Variants in CEBPZOS observed in about 807,000 individuals in gnomAD.
CEBPZOS encodes CEBPZ opposite strand.
In CEBPZOS, 10 loss-of-function variants were observed where a neutral mutation model predicts 4.8. That is an observed-to-expected ratio of 2.07 (90% CI 1.28 to 3.52). The LOEUF (loss-of-function observed/expected upper bound fraction) is 3.52, where lower values mean the gene tolerates loss of function less well. Among genes scored for constraint, CEBPZOS ranks in the 30% most tolerant of loss-of-function variants. CEBPZOS has a pLI of 0.00. For synonymous variants in CEBPZOS, 25 were observed against 14.2 expected (o/e 1.77, Z -1.72); for missense variants, 98 against 43.6 (o/e 2.25, Z -3.51).
At position 37,202,986 on chromosome 2, in the gene CEBPZOS, GTTTCT is replaced by G; in HGVS notation, c.*1135_*1139del. The stretch of plus-strand genomic sequence containing the variant: ...ATACAAATAGGCTGGAATCATTTAA[GTTTCT>G]TTTCTTTTTTCTTGGCCCTAAAAAA... On this transcript the variant is annotated 3_prime_UTR_variant, in exon 5 of 5. Coordinates refer to ENST00000402297, the MANE Select transcript of CEBPZOS (RefSeq NM_001322374.2). The G allele has an allele frequency of 6.4e-7, 1 of 1,551,282 alleles. No homozygotes were observed. Among genetic ancestry groups the G allele is most frequent in the Non-Finnish European group, 8.7e-7 (1 of 1,152,506 alleles).
In CEBPZOS at chr2:37,197,464, A is replaced by G. The variant is rs549624888; in HGVS notation, c.-2+944A>G. ...TTTTCTTTTCTTTTAACCCTGGCCT[A>G]CAGATGGACTTTATTTCTTAGCACC... On this transcript the variant is annotated intron_variant, in intron 1 of 4. Coordinates refer to ENST00000402297, the MANE Select transcript of CEBPZOS (RefSeq NM_001322374.2). 2.6e-5 allele frequency: 4 copies of G among 152,398 alleles called. No homozygotes were observed. The South Asian group carries it at 8.3e-4, about 32-fold the overall frequency. The allele number at this position is 152,398 out of a possible 1,614,324, so 9.4% of individuals were successfully genotyped here.
Position 37,202,080 on chromosome 2 carries a change from A to T in CEBPZOS, c.*220A>T, listed in dbSNP as rs1470101073. The T allele has an allele frequency of 2.3e-6, 1 of 427,540 alleles. No individual in the cohort carries two copies. The highest frequency in any genetic ancestry group is 3.5e-5 in the East Asian group (1 of 28,764). The allele number at this position is 427,540 out of a possible 1,614,324, so 26.5% of individuals were successfully genotyped here. ...TCTTCTCATATTTATTGTCAAAGAT[A>T]AATGTTTCAAAAAGAAATGACTAAG... On this transcript the variant is annotated 3_prime_UTR_variant, in exon 5 of 5. Transcript: ENST00000402297.
rs1167221809 is a variant in CEBPZOS, at chr2:37,199,737, G to C, written c.33G>C (p.Lys11Asn). Residue 11 changes from lysine to asparagine, a missense_variant, in exon 2 of 5, where the codon AAG becomes AAC. Coordinates refer to ENST00000402297, the MANE Select transcript of CEBPZOS (RefSeq NM_001322374.2). MARTLEPLAK[K>N]IFKGVLVAEL... ...GTACTTTGGAACCACTAGCAAAGAA[G>C]ATCTTTAAAGGAGTTTTGGTAGCCG... is the stretch of plus-strand genomic sequence containing the variant. 2 of 717,342 alleles carry C rather than the reference G, an allele frequency of 2.8e-6. No homozygotes were observed. Among genetic ancestry groups the C allele is most frequent in the Admixed American group, 4.0e-5 (2 of 50,004 alleles). 44.4% of individuals were successfully genotyped at this position (717,342 alleles called of 1,614,324 possible).
At position 37,202,461 on chromosome 2, in the gene CEBPZOS, A is replaced by G. The variant is rs1677300612; in HGVS notation, c.*601A>G. 5.3e-6 allele frequency: 1 copy of G among 188,084 alleles called. No individual in the cohort carries two copies. Among genetic ancestry groups the G allele is most frequent in the Admixed American group, 6.0e-5 (1 of 16,562 alleles). The allele number at this position is 188,084 out of a possible 1,614,324, so 11.7% of individuals were successfully genotyped here. On this transcript the variant is annotated 3_prime_UTR_variant, in exon 5 of 5. Transcript: ENST00000402297. ...GGAGTTCGAGACCAGCCTGGCCAACATGGTGAAACCCTGTTTCTACTAAAA... is the reference window on the plus strand; with the variant it reads ...GGAGTTCGAGACCAGCCTGGCCAACGTGGTGAAACCCTGTTTCTACTAAAA...
At chr2:37,206,844 C>CT (rs1677555404), downstream of CEBPZOS, among the ~76,000 whole-genome samples, 4 of 152,140 alleles carry the variant, frequency 2.6e-5, no homozygotes, top group South Asian at 8.3e-4. Flanking sequence ...TGTAAATGGC[C>CT]TAAATGCTCC....
At chr2:37,210,969 T>C in intron 4 of CEBPZOS, 1 of 1,523,230 alleles carries the variant, frequency 6.6e-7, no homozygotes, top group African/African-American at 1.4e-5. Flanking sequence ...TGGACACTGC[T>C]TTTAAAAGAT....
rs766302236 is a variant in CEBPZOS, at chr2:37,203,007, C to T, written c.*1147C>T. 1.3e-5 allele frequency: 20 copies of T among 1,535,756 alleles called. No individual in the cohort carries two copies. In the African/African-American group the frequency reaches 1.4e-4, roughly 11 times the overall value. ...TTAAGTTTCTTTTCTTTTTTCTTGG[C>T]CCTAAAAAAAATTGTAAGTCTACAT... On this transcript the variant is annotated 3_prime_UTR_variant, in exon 5 of 5. Transcript: ENST00000402297.
downstream of CEBPZOS, chr2:37,215,004 T>G: frequency 8.7e-7 from 1 of 1,150,962 alleles, no homozygotes; most frequent in Non-Finnish European, 1.3e-6. Flanking sequence ...CCCCTTTATG[T>G]TACTCAAGCT....
At chr2:37,196,868 G>A (rs1376974673) in intron 1 of CEBPZOS, among the ~76,000 whole-genome samples, 1 of 152,206 alleles carries the variant, frequency 6.6e-6, no homozygotes, top group Non-Finnish European at 1.5e-5. Flanking sequence ...CGGGGGAGCG[G>A]AGGCGGCCAG....
intron 2 of CEBPZOS, among the ~76,000 whole-genome samples, chr2:37,200,167 G>A (rs984750753): frequency 3.3e-5 from 5 of 152,178 alleles, no homozygotes; most frequent in African/African-American, 7.2e-5. Context: ...GACTAAGAAA[G>A]TAACTGGTAT....
rs1677264100 is a variant in CEBPZOS at position 37,201,920 on chromosome 2, AAAGAT to A, written c.*61_*65del. On this transcript the variant is annotated 3_prime_UTR_variant, in exon 5 of 5. Transcript: ENST00000402297. ...GTTTGAGACCTTTGAGAGAAGAAGA[AAAGAT>A]GAGTGTACTACCACACTGTAGACTC... 1 of 1,610,566 alleles carries A rather than the reference AAAGAT, an allele frequency of 6.2e-7. No homozygotes were observed. Among genetic ancestry groups the A allele is most frequent in the Non-Finnish European group, 8.5e-7 (1 of 1,178,882 alleles).
In CEBPZOS at chr2:37,204,027, T is replaced by TA; in HGVS notation, c.*2171dup. ...GTCTTTGTATCAGAGCCACTTTTGA[T>TA]AAAATAGTTTCTAAAACATTTCATC... On this transcript the variant is annotated 3_prime_UTR_variant, in exon 5 of 5. Coordinates refer to ENST00000402297, the MANE Select transcript of CEBPZOS (RefSeq NM_001322374.2). The TA allele has an allele frequency of 6.6e-6, 1 of 152,338 alleles. No homozygotes were observed. The highest frequency in any genetic ancestry group is 2.1e-4 in the South Asian group (1 of 4,832). 9.4% of individuals were successfully genotyped at this position (152,338 alleles called of 1,614,324 possible). A position where few individuals can be genotyped will look rare whatever the true frequency, so the allele number is the denominator to read the frequency against.
In CEBPZOS at chr2:37,202,881, G is replaced by A. The variant is rs374136179; in HGVS notation, c.*1021G>A. 21 of 1,593,260 alleles carry A rather than the reference G, an allele frequency of 1.3e-5. No homozygotes were observed. The highest frequency in any genetic ancestry group is 1.2e-4 in the Admixed American group (7 of 57,314). ...GATGGCCAAACTTTTAAACAAAAAC[G>A]ATAAATTTATTAGAAAACTAAAAAT... On this transcript the variant is annotated 3_prime_UTR_variant, in exon 5 of 5. Coordinates refer to ENST00000402297, the MANE Select transcript of CEBPZOS (RefSeq NM_001322374.2).
chr2:37,197,310 C>G (rs556298399), intron 1 of CEBPZOS: 1 of 152,342 alleles, frequency 6.6e-6, no homozygotes, highest in Non-Finnish European at 1.5e-5. Context: ...CCTCCTGAAG[C>G]CGAGAGCCTC....
chr2:37,202,944 C>G lies in CEBPZOS; in HGVS notation c.*1084C>G, dbSNP rs746325522. On this transcript the variant is annotated 3_prime_UTR_variant, in exon 5 of 5. Coordinates refer to ENST00000402297, the MANE Select transcript of CEBPZOS (RefSeq NM_001322374.2). ...CTAGCTTGTTAAAACAGTACATTAG[C>G]CTTACCTCTTCAGCAGATACAAATA... The G allele has an allele frequency of 6.3e-7, 1 of 1,589,896 alleles. No homozygotes were observed. Among genetic ancestry groups the G allele is most frequent in the Admixed American group, 1.8e-5 (1 of 56,042 alleles).
downstream of CEBPZOS, chr2:37,215,204 GAAAC>G (rs1187104958): frequency 9.9e-6 from 3 of 301,832 alleles, no homozygotes; most frequent in Non-Finnish European, 1.8e-5. Flanking sequence ...CCGTTACAGT[GAAAC>G]AACAGGGTTC....
rs371303058 is a variant in CEBPZOS, at chr2:37,212,268, C to A, written c.*3-1169C>A. On this transcript the variant is annotated intron_variant, in intron 4 of 4. Coordinates refer to the CEBPZOS transcript ENST00000397064. ...CTTTATCATATAGTTCTGTGGTCTA[C>A]TGTTCTGAGGGACAACAATTTGGGA... 3,358 of 1,394,858 alleles carry A rather than the reference C, an allele frequency of 2.4e-3. 29 individuals are homozygous for A. The highest frequency in any genetic ancestry group is 0.017 in the South Asian group (1,450 of 85,420). The allele number at this position is 1,394,858 out of a possible 1,614,324, so 86.4% of individuals were successfully genotyped here. A position where few individuals can be genotyped will look rare whatever the true frequency, so the allele number is the denominator to read the frequency against.
downstream of CEBPZOS, chr2:37,209,701 G>T (rs1199221898): frequency 6.6e-6 from 1 of 152,096 alleles, no homozygotes; most frequent in Non-Finnish European, 1.5e-5. Context: ...ATATAACATT[G>T]GAAAAACTCT....
chr2:37,210,832 AC>A, intron 4 of CEBPZOS: 1 of 489,654 alleles, frequency 2.0e-6, no homozygotes, highest in Non-Finnish European at 3.6e-6. Flanking sequence ...AATGCGAGAA[AC>A]AATTCAAAAT....
Sources: gnomAD v4.1 joint callset for allele counts (sites outside exome capture counted in the v4.1 genomes callset) on GRCh38, gnomAD v4.1.1 for gene constraint, MANE v1.5 for transcripts, NCBI Gene and HGNC (gene_info 2026-07-23, HGNC 2026-07-21) for gene names.